Variants in SNX2 observed in about 807,000 individuals in gnomAD.
SNX2 encodes sorting nexin-2.
Under a neutral mutation model 69.9 loss-of-function variants are expected in SNX2, and 25 were observed. The observed-to-expected ratio is 0.36, with a 90% confidence interval of 0.26 to 0.50. The LOEUF is 0.50. SNX2 is among the 20% of genes least tolerant of loss of function. The probability of loss-of-function intolerance (pLI) is 0.97; values close to 1 mark genes in which losing one functional copy is unlikely to be tolerated. For synonymous variants in SNX2, 229 were observed against 200.4 expected (o/e 1.14, Z -1.20); for missense variants, 551 against 613.3 (o/e 0.90, Z 1.07).
chr5:122,816,956 A>C lies in SNX2; in HGVS notation c.840A>C (p.Gly280=). The C allele has an allele frequency of 6.2e-7, 1 of 1,613,698 alleles. No homozygotes were observed. Among genetic ancestry groups the C allele is most frequent in the Admixed American group, 1.7e-5 (1 of 60,004 alleles). ...AVNTQALSGA[G]ILRMVNKAAD... ...ATACACAGGCTCTGAGTGGAGCAGG[A>C]ATATTGAGGATGGTGAACAAGGCTG... Residue 280 remains glycine, a synonymous_variant, in exon 9 of 15, where the codon GGA becomes GGC. Transcript: ENST00000379516.
Position 122,817,135 on chromosome 5 carries a change from T to A in SNX2, c.912+107T>A, listed in dbSNP as rs1438730217. The A allele has an allele frequency of 2.7e-6, 3 of 1,127,624 alleles. No homozygotes were observed. The African/African-American group carries it at 4.6e-5, about 17-fold the overall frequency. 69.9% of individuals were successfully genotyped at this position (1,127,624 alleles called of 1,614,324 possible). ...ATAGGATATTAATTTGCTTATTGAGTTTAGTTCTCAGCCACATCAGTTGGC... is the reference window on the plus strand; with the variant it reads ...ATAGGATATTAATTTGCTTATTGAGATTAGTTCTCAGCCACATCAGTTGGC... On this transcript the variant is annotated intron_variant, in intron 9 of 14. Transcript: ENST00000379516.
At chr5:122,801,391 G>A (rs1753506819) in intron 3 of SNX2, among the ~76,000 whole-genome samples, 1 of 152,096 alleles carries the variant, frequency 6.6e-6, no homozygotes, top group African/African-American at 2.4e-5. Flanking sequence ...GATCACCTGA[G>A]GTCAGGAGTT....
At position 122,834,411 on chromosome 5, in the gene SNX2, C is replaced by A. The variant is rs1370410016; in HGVS notation, c.*4763C>A. 2.0e-5 allele frequency: 3 copies of A among 152,114 alleles called. No homozygotes were observed. The highest frequency in any genetic ancestry group is 7.2e-5 in the African/African-American group (3 of 41,434). The allele number at this position is 152,114 out of a possible 1,614,324, so 9.4% of individuals were successfully genotyped here. On this transcript the variant is annotated 3_prime_UTR_variant, in exon 15 of 15. Transcript: ENST00000379516. ...ACTGAAGCCAGTCAAGGTGAATACA[C>A]AGAAAATCATTTTCTTATTAAGGTC...
intron 2 of SNX2, among the ~76,000 whole-genome samples, chr5:122,799,318 T>G (rs1217178618): frequency 6.6e-6 from 1 of 152,192 alleles, no homozygotes; most frequent in Non-Finnish European, 1.5e-5. Flanking sequence ...TGTCTTTATA[T>G]GTATAAAATA....
intron 1 of SNX2, among the ~76,000 whole-genome samples, chr5:122,790,436 C>T (rs1466824781): frequency 6.6e-6 from 1 of 152,100 alleles, no homozygotes; most frequent in African/African-American, 2.4e-5. Flanking sequence ...GGATCCACTT[C>T]TAAGCTCACT....
intron 14 of SNX2, among the ~76,000 whole-genome samples, chr5:122,829,341 A>C (rs1453836688): frequency 2.0e-5 from 3 of 151,820 alleles, no homozygotes; most frequent in Non-Finnish European, 4.4e-5. Context: ...AGTAGCTGGG[A>C]TTACAGGCAA....
At chr5:122,827,862 T>G (rs1428713833) in intron 14 of SNX2, 6 of 456,214 alleles carry the variant, frequency 1.3e-5, no homozygotes, top group Admixed American at 3.8e-5. Flanking sequence ...AAGGCAGAGA[T>G]AGACTTTTCC....
intron 1 of SNX2, among the ~76,000 whole-genome samples, chr5:122,792,817 A>G (rs560913990): frequency 6.6e-6 from 1 of 152,314 alleles, no homozygotes; most frequent in South Asian, 2.1e-4. Flanking sequence ...AATGAACAAA[A>G]TATTTGAAGA....
chr5:122,781,387 G>T (rs1752978507), intron 1 of SNX2, among the ~76,000 whole-genome samples: 1 of 152,240 alleles, frequency 6.6e-6, no homozygotes, highest in Admixed American at 6.5e-5. Context: ...TCCATTGTTT[G>T]TATGTAACAG....
chr5:122,790,120 A>T (rs1202992753), intron 1 of SNX2, among the ~76,000 whole-genome samples: 1 of 152,046 alleles, frequency 6.6e-6, no homozygotes, highest in African/African-American at 2.4e-5. Context: ...GCTGAGGAGG[A>T]TCCACTTTTT....
At chr5:122,798,215 G>C (rs1403240920) in intron 2 of SNX2, among the ~76,000 whole-genome samples, 2 of 151,944 alleles carry the variant, frequency 1.3e-5, no homozygotes, top group African/African-American at 4.8e-5. Context: ...TACAAAAAGA[G>C]TAATAAATAC....
intron 1 of SNX2, among the ~76,000 whole-genome samples, chr5:122,794,609 G>A (rs1244140040): frequency 6.6e-6 from 1 of 152,188 alleles, no homozygotes; most frequent in South Asian, 2.1e-4. Context: ...AGGGATTTTT[G>A]AAAATCAAGG....
intron 6 of SNX2, among the ~76,000 whole-genome samples, chr5:122,804,397 ACT>A (rs1433736929): frequency 2.2e-5 from 3 of 139,010 alleles, no homozygotes; most frequent in African/African-American, 5.5e-5. Context: ...ATGGAGTCTC[ACT>A]CTGTCATCCA....
intron 1 of SNX2, among the ~76,000 whole-genome samples, chr5:122,793,004 A>G (rs1753278689): frequency 6.6e-6 from 1 of 152,198 alleles, no homozygotes; most frequent in Non-Finnish European, 1.5e-5. Context: ...GGAGCAACAA[A>G]GTTTCATATG....
intron 1 of SNX2, among the ~76,000 whole-genome samples, chr5:122,791,287 C>A (rs1753231294): frequency 6.6e-6 from 1 of 151,858 alleles, no homozygotes; most frequent in Non-Finnish European, 1.5e-5. Flanking sequence ...CCATGCCCGG[C>A]TACTTTTTTT....
upstream of SNX2, chr5:122,775,008 G>T: frequency 8.1e-7 from 1 of 1,236,502 alleles, no homozygotes; most frequent in South Asian, 2.0e-5. Flanking sequence ...GCCGGCCGGG[G>T]GCGGGGAGGC....
At chr5:122,805,375 C>G (rs1474150715) in intron 6 of SNX2, among the ~76,000 whole-genome samples, 2 of 151,454 alleles carry the variant, frequency 1.3e-5, no homozygotes, top group Admixed American at 1.3e-4. Context: ...GTCCTCTCAT[C>G]TGGCCTCCCA....
intron 9 of SNX2, 88 bp downstream of exon 9, chr5:122,817,116 TATTA>T: frequency 8.7e-7 from 1 of 1,151,394 alleles, no homozygotes; most frequent in Non-Finnish European, 1.3e-6. Flanking sequence ...GAAAATAGGA[TATTA>T]ATTTGCTTAT....
At chr5:122,787,802 A>G (rs969897212) in intron 1 of SNX2, among the ~76,000 whole-genome samples, 1 of 152,204 alleles carries the variant, frequency 6.6e-6, no homozygotes, top group Non-Finnish European at 1.5e-5. Flanking sequence ...TAAAACTACG[A>G]GTACCCAAGG....
Sources: gnomAD v4.1 joint callset for allele counts (sites outside exome capture counted in the v4.1 genomes callset) on GRCh38, gnomAD v4.1.1 for gene constraint, MANE v1.5 for transcripts, NCBI Gene and HGNC (gene_info 2026-07-23, HGNC 2026-07-21) for gene names.